TTLL2: variants seen among roughly 807,000 people sequenced by gnomAD.
TTLL2 encodes the protein tubulin tyrosine ligase like 2, also known as probable tubulin polyglutamylase TTLL2.
In TTLL2, 10 loss-of-function variants were observed where a neutral mutation model predicts 7.5. The ratio of observed to expected loss-of-function variants is 1.33; its 90% confidence interval spans 0.82 to 2.25. The LOEUF (loss-of-function observed/expected upper bound fraction) is 2.25, where lower values mean the gene tolerates loss of function less well. Ranked by LOEUF, TTLL2 falls within the 30% of genes most tolerant of loss-of-function variation. The pLI, the probability that TTLL2 is intolerant of heterozygous loss-of-function variation, is 0.00. For synonymous variants in TTLL2, 284 were observed against 280.3 expected (o/e 1.01, Z -0.13); for missense variants, 733 against 735.7 (o/e 1.00, Z 0.04).
chr6:167,341,470 T>TA lies in TTLL2; in HGVS notation c.1571dup (p.Tyr524Ter). Residue 524 changes from tyrosine to a stop codon, truncating the protein, a stop_gained and frameshift_variant, in exon 3 of 3, where the codon TAC (tyrosine) becomes TAAC (stop). Coordinates refer to ENST00000239587, the MANE Select transcript of TTLL2 (RefSeq NM_031949.5). LOFTEE classifies it low-confidence loss of function (END_TRUNC). ...CACGCCTCACAAGACACTCATGCCC[T>TA]ACGCGTCCCTCTTCCAGTCGCACTC... ...RHTPHKTLMP[Y>*]ASLFQSHSCK... 1.9e-6 allele frequency: 3 copies of TA among 1,614,084 alleles called. No homozygotes were observed. The highest frequency in any genetic ancestry group is 2.5e-6 in the Non-Finnish European group (3 of 1,180,020).
intron 2 of TTLL2, 31 bp from the exon 3 acceptor site, chr6:167,340,074 C>T (rs760997552): frequency 4.8e-5 from 75 of 1,552,570 alleles, no homozygotes; most frequent in Non-Finnish European, 4.2e-5. Context: ...CTTGACCACT[C>T]TCCTAACCTT....
intron 2 of TTLL2, among the ~76,000 whole-genome samples, chr6:167,339,888 A>G (rs1182633219): frequency 6.6e-6 from 1 of 152,208 alleles, no homozygotes; most frequent in Non-Finnish European, 1.5e-5. Context: ...ATCGGAAGAA[A>G]GAGTAAAGGG....
rs779819841 is a variant in TTLL2, at chr6:167,340,773, A to G, written c.873A>G (p.Gln291=). Residue 291 remains glutamine (Q), a synonymous_variant, in exon 3 of 3, where the codon CAA becomes CAG. Coordinates refer to ENST00000239587, the MANE Select transcript of TTLL2 (RefSeq NM_031949.5). ...AAAAGTTTGACCTCAGTAATTTGCAAAACAATTATGCCCATTTGACCAACA... is the reference window on the plus strand; with the variant it reads ...AAAAGTTTGACCTCAGTAATTTGCAGAACAATTATGCCCATTTGACCAACA... ...ATEKFDLSNL[Q]NNYAHLTNSS... The G allele has an allele frequency of 1.9e-6, 3 of 1,614,174 alleles. No homozygotes were observed. The highest frequency in any genetic ancestry group is 2.5e-6 in the Non-Finnish European group (3 of 1,180,028).
chr6:167,340,351 A>T lies in TTLL2; in HGVS notation c.451A>T (p.Thr151Ser). 1 of 1,614,162 alleles carries T rather than the reference A, an allele frequency of 6.2e-7. No homozygotes were observed. The highest frequency in any genetic ancestry group is 1.1e-5 in the South Asian group (1 of 91,080). The change falls in exon 3 of 3, where the codon ACC becomes TCC. Residue 151 changes from threonine (T) to serine (S), a missense_variant. Transcript: ENST00000239587. ...GCAGCTAAACCACCACCCTGGAACC[A>T]CCAAGCTTACCAGGAAAGACTGTTT... ...WQQLNHHPGT[T>S]KLTRKDCLAK... is the part of the protein sequence containing the mutation.
intron 2 of TTLL2, 46 bp from the exon 3 acceptor site, chr6:167,340,059 A>G (rs1374444005): frequency 2.0e-6 from 3 of 1,525,224 alleles, no homozygotes; most frequent in Non-Finnish European, 2.6e-6. Context: ...CTACTAGGTT[A>G]TGGTCTTGAC....
chr6:167,325,478 A>G (rs971702233), intron 1 of TTLL2, among the ~76,000 whole-genome samples: 15 of 152,202 alleles, frequency 9.9e-5, no homozygotes, highest in African/African-American at 3.1e-4. Flanking sequence ...CTGAGGTGCC[A>G]GTTATATAAG....
chr6:167,326,200 C>T (rs1778846391), intron 1 of TTLL2, among the ~76,000 whole-genome samples: 1 of 152,086 alleles, frequency 6.6e-6, no homozygotes, highest in African/African-American at 2.4e-5. Flanking sequence ...TGATCTTTGA[C>T]CTCTGCGACC....
chr6:167,341,823 A>G lies in TTLL2; in HGVS notation c.*144A>G. The stretch of plus-strand genomic sequence containing the variant: ...TGGGACTGAAGATGTGGCCATATGT[A>G]TAAATATAACAGCTCTGACAAAGCA... On this transcript the variant is annotated 3_prime_UTR_variant, in exon 3 of 3. Transcript: ENST00000239587. 4 of 880,080 alleles carry G rather than the reference A, an allele frequency of 4.5e-6. No individual in the cohort carries two copies. Among genetic ancestry groups the G allele is most frequent in the Non-Finnish European group, 6.7e-6 (4 of 595,774 alleles). 54.5% of individuals were successfully genotyped at this position (880,080 alleles called of 1,614,324 possible). A position where few individuals can be genotyped will look rare whatever the true frequency, so the allele number is the denominator to read the frequency against.
At chr6:167,326,888 T>A (rs923720374) in intron 1 of TTLL2, among the ~76,000 whole-genome samples, 2 of 152,056 alleles carry the variant, frequency 1.3e-5, no homozygotes, top group Non-Finnish European at 2.9e-5. Flanking sequence ...CAAGTCTCAA[T>A]CATTTAAGAA....
At chr6:167,337,241 C>A (rs1778998847) in intron 1 of TTLL2, among the ~76,000 whole-genome samples, 1 of 152,196 alleles carries the variant, frequency 6.6e-6, no homozygotes, top group South Asian at 2.1e-4. Flanking sequence ...CTGGAGGACA[C>A]TCCAATGGGA....
chr6:167,325,961 G>T (rs1309347361), intron 1 of TTLL2, among the ~76,000 whole-genome samples: 1 of 152,174 alleles, frequency 6.6e-6, no homozygotes, highest in Non-Finnish European at 1.5e-5. Flanking sequence ...GGCCGAGAAC[G>T]GGTGCAAGGC....
In TTLL2 at chr6:167,342,513, G is replaced by C. The variant is rs1779111378; in HGVS notation, c.*834G>C. Among the ~76,000 whole-genome samples, 1 of 152,194 alleles carries C rather than the reference G, an allele frequency of 6.6e-6. No individual in the cohort carries two copies. Among genetic ancestry groups the C allele is most frequent in the Admixed American group, 6.5e-5 (1 of 15,286 alleles). ...CATCAAAAGCAGATTGGTGGCTTAG[G>C]GGAGGGGTAATGAGGAGTGCCTACT... On this transcript the variant is annotated 3_prime_UTR_variant, in exon 3 of 3. Transcript: ENST00000239587.
At chr6:167,339,093 G>A (rs61065694) in intron 2 of TTLL2, among the ~76,000 whole-genome samples, 3 of 149,592 alleles carry the variant, frequency 2.0e-5, no homozygotes, top group African/African-American at 4.9e-5. Flanking sequence ...AAACCTTCAC[G>A]GAAAGTACAG....
chr6:167,340,234 G>T lies in TTLL2; in HGVS notation c.334G>T (p.Asp112Tyr). 6.2e-7 allele frequency: 1 copy of T among 1,614,126 alleles called. No individual in the cohort carries two copies. The highest frequency in any genetic ancestry group is 8.5e-7 in the Non-Finnish European group (1 of 1,180,014). Reference protein sequence around the residue: ...VLLERGWNKFDKQEQNAEDWN... With the variant: ...VLLERGWNKFYKQEQNAEDWN... ...CCTGGAGAGGGGGTGGAATAAGTTT[G>T]ATAAGCAGGAGCAGAACGCGGAGGA... Residue 112 changes from aspartate (D) to tyrosine (Y), a missense_variant, in exon 3 of 3, where the codon GAT becomes TAT. Coordinates refer to ENST00000239587, the MANE Select transcript of TTLL2 (RefSeq NM_031949.5).
chr6:167,331,720 G>T, intron 1 of TTLL2, among the ~76,000 whole-genome samples: 1 of 152,260 alleles, frequency 6.6e-6, no homozygotes, highest in African/African-American at 2.4e-5. Flanking sequence ...GTATGCACCT[G>T]TAACAATCGC....
intron 1 of TTLL2, among the ~76,000 whole-genome samples, chr6:167,325,601 TTGAA>T (rs1229907898): frequency 2.6e-5 from 4 of 151,996 alleles, no homozygotes; most frequent in African/African-American, 9.7e-5. Flanking sequence ...CCAAAGCCGA[TTGAA>T]TGGCCGCTGT....
At chr6:167,337,434 C>T (rs1005456605) in intron 1 of TTLL2, among the ~76,000 whole-genome samples, 4 of 152,138 alleles carry the variant, frequency 2.6e-5, no homozygotes, top group Admixed American at 2.0e-4. Flanking sequence ...TGACCAGGCA[C>T]GGTGGAGCCT....
At chr6:167,330,191 A>T (rs1423405398) in intron 1 of TTLL2, among the ~76,000 whole-genome samples, 1 of 152,212 alleles carries the variant, frequency 6.6e-6, no homozygotes, top group Non-Finnish European at 1.5e-5. Context: ...TTTTAGGTAG[A>T]TATGAGCAAT....
intron 1 of TTLL2, among the ~76,000 whole-genome samples, chr6:167,336,172 G>A (rs997296644): frequency 6.6e-6 from 1 of 151,838 alleles, no homozygotes; most frequent in East Asian, 1.9e-4. Flanking sequence ...CAGTGTGGGG[G>A]CAGCTGAGGA....
Sources: allele counts gnomAD v4.1 joint callset (sites outside exome capture counted in the v4.1 genomes callset), GRCh38; gene constraint gnomAD v4.1.1; transcripts MANE v1.5; gene names NCBI Gene and HGNC (gene_info 2026-07-23, HGNC 2026-07-21).